ATP9B: variants seen among roughly 807,000 people sequenced by gnomAD.
The protein encoded by ATP9B is probable phospholipid-transporting ATPase IIB.
In ATP9B, 110 loss-of-function variants were observed where a neutral mutation model predicts 146.1. The ratio of observed to expected loss-of-function variants is 0.75; its 90% CI spans 0.65 to 0.88. The LOEUF (loss-of-function observed/expected upper bound fraction) is 0.88, where lower values mean the gene tolerates loss of function less well. Ranked by LOEUF, ATP9B falls within the 40% of genes least tolerant of loss-of-function variation. The pLI is 0.00. For missense variants in ATP9B, 1,499 were observed against 1,496.4 expected (o/e 1.00, Z -0.03); for synonymous variants, 604 against 569.7 (o/e 1.06, Z -0.86).
chr18:79,205,322 A>G (rs2095523485), intron 9 of ATP9B, among the ~76,000 whole-genome samples: 1 of 152,302 alleles, frequency 6.6e-6, no homozygotes, highest in African/African-American at 2.4e-5. Flanking sequence ...TATCTAGCAA[A>G]TATCTTCCAA....
chr18:79,296,069 G>A (rs1401030823), intron 13 of ATP9B, among the ~76,000 whole-genome samples: 1 of 152,190 alleles, frequency 6.6e-6, no homozygotes, highest in Admixed American at 6.5e-5. Context: ...AGGCTGGAGT[G>A]CAGTGTCGTG....
At chr18:79,094,107 G>A (rs2074579481) in intron 1 of ATP9B, among the ~76,000 whole-genome samples, 1 of 152,232 alleles carries the variant, frequency 6.6e-6, no homozygotes, top group African/African-American at 2.4e-5. Context: ...ACCACCAGTG[G>A]GTGGTGGTTG....
chr18:79,321,185 A>AAG (rs2096713792), intron 15 of ATP9B, among the ~76,000 whole-genome samples: 1 of 152,360 alleles, frequency 6.6e-6, no homozygotes, highest in East Asian at 1.9e-4. Context: ...AGCATGAATT[A>AAG]AGATATGAAA....
intron 7 of ATP9B, among the ~76,000 whole-genome samples, chr18:79,155,997 T>A (rs1457165058): frequency 2.1e-4 from 32 of 151,904 alleles, no homozygotes; most frequent in Non-Finnish European, 8.8e-5. Flanking sequence ...CTCCTGACCT[T>A]GTGATCCACC....
chr18:79,274,613 A>C (rs1184870478), intron 12 of ATP9B, among the ~76,000 whole-genome samples: 1 of 152,136 alleles, frequency 6.6e-6, no homozygotes, highest in Non-Finnish European at 1.5e-5. Context: ...GGTATTATAC[A>C]TGCTCTGTGT....
intron 26 of ATP9B, among the ~76,000 whole-genome samples, chr18:79,372,060 C>T (rs1201759963): frequency 6.6e-6 from 1 of 152,220 alleles, no homozygotes; most frequent in Non-Finnish European, 1.5e-5. Context: ...GTGTCACTTT[C>T]GACAGCTCTT....
intron 10 of ATP9B, among the ~76,000 whole-genome samples, chr18:79,210,324 G>A (rs932660254): frequency 2.6e-5 from 4 of 152,244 alleles, no homozygotes; most frequent in Non-Finnish European, 4.4e-5. Context: ...AAGTGTGACG[G>A]GGCTGTCAGA....
At chr18:79,084,885 A>G (rs1233128483) in intron 1 of ATP9B, among the ~76,000 whole-genome samples, 2 of 152,148 alleles carry the variant, frequency 1.3e-5, no homozygotes, top group Non-Finnish European at 2.9e-5. Flanking sequence ...AAAAATTTTC[A>G]TGACTGGGCT....
chr18:79,366,929 G>A (rs1045588423), intron 26 of ATP9B, among the ~76,000 whole-genome samples: 1 of 152,230 alleles, frequency 6.6e-6, no homozygotes, highest in Non-Finnish European at 1.5e-5. Flanking sequence ...AGCCTCCCAC[G>A]GGCTAGCACT....
At chr18:79,234,563 C>CTGCTGTGGGCTTGCT (rs1555779113) in intron 11 of ATP9B, among the ~76,000 whole-genome samples, 1 of 150,598 alleles carries the variant, frequency 6.6e-6, no homozygotes, top group East Asian at 1.9e-4. Context: ...TGCGGGCGTG[C>CTGCTGTGGGCTTGCT]TGCTGTGGGC....
intron 13 of ATP9B, among the ~76,000 whole-genome samples, chr18:79,282,046 G>T (rs951663197): frequency 7.2e-5 from 11 of 152,302 alleles, no homozygotes; most frequent in African/African-American, 2.6e-4. Flanking sequence ...TCAGCGGAGG[G>T]AAGAGCCGCA....
intron 25 of ATP9B, among the ~76,000 whole-genome samples, chr18:79,348,479 G>A (rs2096904364): frequency 6.6e-6 from 1 of 152,222 alleles, no homozygotes; most frequent in Non-Finnish European, 1.5e-5. Flanking sequence ...GGGTCCCGTG[G>A]CAGAAGGCGG....
At position 79,239,500 on chromosome 18, in the gene ATP9B, A is replaced by G. The variant is rs1248312565; in HGVS notation, c.1108-13881A>G. Among the ~76,000 whole-genome samples, 3 of 152,130 alleles carry G rather than the reference A, an allele frequency of 2.0e-5. No homozygotes were observed. The highest frequency in any genetic ancestry group is 7.2e-5 in the African/African-American group (3 of 41,418). ...GCTGTGGCAGGGACAGGGACGTAGG[A>G]CGATGGTGTCACGGCACTTAAAATT... is the stretch of plus-strand genomic sequence containing the variant. On this transcript the variant is annotated intron_variant, in intron 11 of 29. Coordinates refer to ENST00000426216, the MANE Select transcript of ATP9B (RefSeq NM_198531.5). The surrounding 1 kb of genome is among the most constrained non-coding windows in gnomAD (Gnocchi z 5.1).
chr18:79,276,157 C>G (rs551245121), intron 12 of ATP9B, among the ~76,000 whole-genome samples: 1 of 152,134 alleles, frequency 6.6e-6, no homozygotes, highest in Non-Finnish European at 1.5e-5. Context: ...GGAAGAACTG[C>G]GCTGCCAGCA....
At chr18:79,375,958 T>C in intron 29 of ATP9B, 1 of 985,418 alleles carries the variant, frequency 1.0e-6, no homozygotes, top group South Asian at 4.7e-5. Flanking sequence ...TCATGCGGAA[T>C]TCAAGTAGCT....
chr18:79,344,357 A>G lies in ATP9B; in HGVS notation c.2472+3A>G. The G allele has an allele frequency of 6.2e-7, 1 of 1,613,914 alleles. No homozygotes were observed. Among genetic ancestry groups the G allele is most frequent in the Non-Finnish European group, 8.5e-7 (1 of 1,179,820 alleles). On this transcript the variant is annotated splice_donor_region_variant and intron_variant, in intron 21 of 29. Transcript: ENST00000426216. ...TCATATCTGGGGACTCTCTGGAGGT[A>G]AGGCTGGACCCTGAGTGAGTACATG...
chr18:79,231,803 T>TATATATATATATATACATACACAC (rs569726473), intron 11 of ATP9B, among the ~76,000 whole-genome samples: 3 of 114,760 alleles, frequency 2.6e-5, no homozygotes, highest in African/African-American at 1.0e-4. Flanking sequence ...TATATATATA[T>TATATATATATATATACATACACAC]ACACACACAC....
Position 79,323,264 on chromosome 18 carries a change from T to C in ATP9B, c.1774-5877T>C, listed in dbSNP as rs146431178. ...TCGTTGCTTCGTGTTAGTAATCCTC[T>C]GTTTATCGTTGCTTCGCGTTAGTAA... On this transcript the variant is annotated intron_variant, in intron 15 of 29. Transcript: ENST00000426216. Among the ~76,000 whole-genome samples, 1,299 of 151,068 alleles carry C rather than the reference T, an allele frequency of 8.6e-3. 7 individuals carry two copies. Among genetic ancestry groups the C allele is most frequent in the African/African-American group, 0.022 (914 of 41,200 alleles).
chr18:79,315,250 C>T (rs1033092984), intron 15 of ATP9B, among the ~76,000 whole-genome samples: 1 of 152,150 alleles, frequency 6.6e-6, no homozygotes, highest in Non-Finnish European at 1.5e-5. Flanking sequence ...TTTTTTAATT[C>T]ATTTTATCGT....
Sources: allele counts gnomAD v4.1 joint callset (sites outside exome capture counted in the v4.1 genomes callset), GRCh38; gene constraint gnomAD v4.1.1; non-coding constraint Gnocchi (gnomAD v3.1); transcripts MANE v1.5; gene names NCBI Gene and HGNC (gene_info 2026-07-23, HGNC 2026-07-21).